The following TNS3 variants were observed in gnomAD, a reference collection of about 807,000 sequenced individuals.
The protein encoded by TNS3 is tensin-3.
Under a neutral mutation model 140.9 loss-of-function variants are expected in TNS3, and 45 were observed. That is an observed-to-expected ratio of 0.32 (90% confidence interval 0.25 to 0.41). The LOEUF (loss-of-function observed/expected upper bound fraction) is 0.41. Ranked by LOEUF, TNS3 falls within the 10% of genes least tolerant of loss-of-function variation. The pLI, the probability that TNS3 is intolerant of heterozygous loss-of-function variation, is 1.00. For synonymous variants in TNS3, 815 were observed against 788.4 expected (o/e 1.03, Z -0.56); for missense variants, 1,716 against 1,906.7 (o/e 0.90, Z 1.86).
intron 1 of TNS3, among the ~76,000 whole-genome samples, chr7:47,547,630 G>T (rs772406190): frequency 7.6e-4 from 116 of 152,016 alleles, no homozygotes; most frequent in Non-Finnish European, 8.2e-4. Flanking sequence ...GAAGATGAAG[G>T]TCTGAGGGAC....
rs183776932 is a variant in TNS3, at chr7:47,374,684, C to T, written c.1025-5063G>A. On this transcript the variant is annotated intron_variant, in intron 16 of 30. Transcript: ENST00000311160. ...GGAGCCCGCACCCTGCTGTTTGCAG[C>T]CCCCAAAGGCGCTGATCCATCATTA... is the stretch of plus-strand genomic sequence containing the variant. Among the ~76,000 whole-genome samples the T allele has an allele frequency of 3.1e-4, 47 of 152,352 alleles. No individual in the cohort carries two copies. The East Asian group carries it at 8.9e-3, about 29-fold the overall frequency.
intron 16 of TNS3, among the ~76,000 whole-genome samples, chr7:47,377,498 G>A (rs575830773): frequency 1.2e-4 from 19 of 152,322 alleles, no homozygotes; most frequent in African/African-American, 4.3e-4. Flanking sequence ...AAATATTTGC[G>A]TCTTGATAGT....
At chr7:47,409,886 T>C (rs527710884) in intron 13 of TNS3, among the ~76,000 whole-genome samples, 42 of 152,286 alleles carry the variant, frequency 2.8e-4, no homozygotes, top group Admixed American at 4.6e-4. Flanking sequence ...CTCGATCTCC[T>C]GACCTCGTGA....
chr7:47,457,250 C>T (rs999463408), intron 4 of TNS3, among the ~76,000 whole-genome samples: 3 of 151,478 alleles, frequency 2.0e-5, no homozygotes, highest in Non-Finnish European at 4.4e-5. Flanking sequence ...TAAATACTGC[C>T]ACCATGGTTC....
intron 27 of TNS3, among the ~76,000 whole-genome samples, chr7:47,288,296 C>T (rs778734616): frequency 7.2e-5 from 11 of 152,266 alleles, no homozygotes; most frequent in South Asian, 2.1e-4. Context: ...TACACCCACA[C>T]GCCCTGTGGG....
At chr7:47,542,463 A>G (rs928612315) in intron 1 of TNS3, among the ~76,000 whole-genome samples, 3 of 152,114 alleles carry the variant, frequency 2.0e-5, no homozygotes, top group Non-Finnish European at 4.4e-5. Context: ...CCCGATTCCT[A>G]GCCTCAGTGC....
chr7:47,471,456 C>G (rs969644387), intron 4 of TNS3, among the ~76,000 whole-genome samples: 3 of 151,746 alleles, frequency 2.0e-5, no homozygotes, highest in Non-Finnish European at 4.4e-5. Flanking sequence ...GGAAGGGGGT[C>G]TTCCTTTCCA....
At chr7:47,530,060 T>C (rs1201897006) in intron 1 of TNS3, among the ~76,000 whole-genome samples, 1 of 152,192 alleles carries the variant, frequency 6.6e-6, no homozygotes, top group Non-Finnish European at 1.5e-5. Flanking sequence ...CCATTCTTAT[T>C]TACACTAAAG....
intron 4 of TNS3, among the ~76,000 whole-genome samples, chr7:47,462,822 C>T (rs2151698234): frequency 6.6e-6 from 1 of 152,278 alleles, no homozygotes. Context: ...CCCCGCTGTG[C>T]CTCTCTTCTC....
chr7:47,505,493 A>G (rs1309240208), intron 3 of TNS3, among the ~76,000 whole-genome samples: 1 of 152,216 alleles, frequency 6.6e-6, no homozygotes, highest in Non-Finnish European at 1.5e-5. Flanking sequence ...CACAGCCCCC[A>G]GGAGGCCCGA....
intron 4 of TNS3, among the ~76,000 whole-genome samples, chr7:47,454,866 C>G (rs73095128): frequency 0.035 from 5,391 of 152,228 alleles, 134 homozygotes; most frequent in Middle Eastern, 0.14. Flanking sequence ...TGTTAATGAG[C>G]CCGTGTTAAT....
intron 28 of TNS3, among the ~76,000 whole-genome samples, 197 bp downstream of exon 28, chr7:47,283,500 A>G (rs940016822): frequency 1.2e-4 from 18 of 152,194 alleles, no homozygotes; most frequent in African/African-American, 4.1e-4. Context: ...TAGCCTTGCA[A>G]ACAAATGCTA....
At chr7:47,383,611 A>C (rs754618377) in intron 16 of TNS3, among the ~76,000 whole-genome samples, 2 of 152,230 alleles carry the variant, frequency 1.3e-5, no homozygotes, top group Non-Finnish European at 2.9e-5. Flanking sequence ...CCACATGGTA[A>C]CAAGGGCATA....
chr7:47,333,983 T>C (rs1024283241), intron 20 of TNS3, among the ~76,000 whole-genome samples: 2 of 152,192 alleles, frequency 1.3e-5, no homozygotes, highest in African/African-American at 4.8e-5. Context: ...TGCAAACTGT[T>C]CAAGATCATA....
intron 1 of TNS3, chr7:47,579,813 A>G (rs1784486335): frequency 2.0e-6 from 2 of 984,846 alleles, no homozygotes; most frequent in Non-Finnish European, 2.4e-6. Context: ...GCGACTGCCA[A>G]ATGGTAGGTC....
intron 3 of TNS3, among the ~76,000 whole-genome samples, chr7:47,493,338 G>A (rs1051436140): frequency 6.6e-6 from 1 of 152,186 alleles, no homozygotes; most frequent in African/African-American, 2.4e-5. Context: ...ATTAGCAGTT[G>A]CCTTCGAAAT....
At chr7:47,577,077 T>C (rs1053497969) in intron 1 of TNS3, among the ~76,000 whole-genome samples, 1 of 152,062 alleles carries the variant, frequency 6.6e-6, no homozygotes, top group Non-Finnish European at 1.5e-5. Flanking sequence ...CAAGACACAA[T>C]GAAAGGAGGT....
At chr7:47,573,251 A>T (rs1447121843) in intron 1 of TNS3, among the ~76,000 whole-genome samples, 1 of 152,196 alleles carries the variant, frequency 6.6e-6, no homozygotes, top group Non-Finnish European at 1.5e-5. Context: ...CCAGCAGGGC[A>T]ATGCCTTCAC....
At chr7:47,537,548 A>G (rs899277674) in intron 1 of TNS3, among the ~76,000 whole-genome samples, 5 of 151,956 alleles carry the variant, frequency 3.3e-5, no homozygotes, top group African/African-American at 1.2e-4. Context: ...GGAATTACCG[A>G]CGCGCCGCGC....
Sources: gnomAD v4.1 joint callset for allele counts (sites outside exome capture counted in the v4.1 genomes callset) on GRCh38, gnomAD v4.1.1 for gene constraint, MANE v1.5 for transcripts, NCBI Gene and HGNC (gene_info 2026-07-23, HGNC 2026-07-21) for gene names.